ENTPD6: variants seen among roughly 807,000 people sequenced by gnomAD.
The protein encoded by ENTPD6 is ectonucleoside triphosphate diphosphohydrolase 6.
Under a neutral mutation model 61.5 loss-of-function variants are expected in ENTPD6, and 46 were observed. The observed-to-expected ratio is 0.75, with a 90% confidence interval of 0.59 to 0.96. The LOEUF is 0.96. Among genes scored for constraint, ENTPD6 ranks in the 40% least tolerant of loss-of-function variants. ENTPD6 has a pLI of 0.00. For synonymous variants in ENTPD6, 252 were observed against 255.5 expected (o/e 0.99, Z 0.13); for missense variants, 612 against 629.0 (o/e 0.97, Z 0.29).
intron 8 of ENTPD6, 39 bp downstream of exon 8, chr20:25,216,775 G>A (rs756314465): frequency 1.4e-5 from 21 of 1,476,358 alleles, no homozygotes; most frequent in Middle Eastern, 1.9e-4. Context: ...TTTCCACCCC[G>A]AGGCCACACC....
intron 1 of ENTPD6, among the ~76,000 whole-genome samples, chr20:25,206,249 C>T (rs1395902100): frequency 6.6e-6 from 1 of 152,224 alleles, no homozygotes; most frequent in Non-Finnish European, 1.5e-5. Flanking sequence ...GGAGTGGCCA[C>T]TCACCAGGAC....
At chr20:25,196,361 G>C (rs992007615) in intron 1 of ENTPD6, 2 of 426,444 alleles carry the variant, frequency 4.7e-6, no homozygotes, top group South Asian at 9.9e-5. Flanking sequence ...TTCTGCCCGA[G>C]CTGACCTGTG....
At chr20:25,222,586 A>T in intron 11 of ENTPD6, 1 of 441,714 alleles carries the variant, frequency 2.3e-6, no homozygotes, top group Admixed American at 3.8e-5. Flanking sequence ...CTCAGAGTCC[A>T]GGTCTGCCGC....
intron 6 of ENTPD6, 130 bp downstream of exon 6, chr20:25,215,072 A>G: frequency 1.6e-6 from 1 of 638,912 alleles, no homozygotes; most frequent in Non-Finnish European, 2.8e-6. Flanking sequence ...TCCGATGCTC[A>G]AGTAAAGAAT....
At chr20:25,221,151 G>C in intron 10 of ENTPD6, 81 bp from the exon 11 acceptor site, 1 of 1,090,740 alleles carries the variant, frequency 9.2e-7, no homozygotes, top group Non-Finnish European at 1.4e-6. Context: ...TCAAGCCAGG[G>C]CCTCCGCGAC....
Position 25,195,804 on chromosome 20 carries a change from C to T in ENTPD6, c.-79C>T. 1 of 1,235,248 alleles carries T rather than the reference C, an allele frequency of 8.1e-7. No homozygotes were observed. Among genetic ancestry groups the T allele is most frequent in the Non-Finnish European group, 1.0e-6 (1 of 983,948 alleles). 76.5% of individuals were successfully genotyped at this position (1,235,248 alleles called of 1,614,324 possible). On this transcript the variant is annotated 5_prime_UTR_variant, in exon 1 of 15. Transcript: ENST00000376652. ...GGGGCGGGGGAGCCCAAAAGACCGG[C>T]TGCCGCCTGCTCCCCGGAAAAGGGC...
intron 10 of ENTPD6, among the ~76,000 whole-genome samples, chr20:25,219,796 G>T (rs1404332312): frequency 2.0e-5 from 3 of 152,182 alleles, no homozygotes; most frequent in Non-Finnish European, 4.4e-5. Flanking sequence ...TATCTGACAG[G>T]GTAGGATGTT....
rs772249464 is a variant in ENTPD6, at chr20:25,215,721, C to T, written c.709+10C>T. On this transcript the variant is annotated intron_variant, in intron 7 of 14. Transcript: ENST00000376652. Reference sequence around the variant, plus strand: ...ATCAACTTCCTGACAGGTGTGTGCACACTGCATCACAGAGGCTAGCCGATC... The same window carrying T: ...ATCAACTTCCTGACAGGTGTGTGCATACTGCATCACAGAGGCTAGCCGATC... 3.7e-6 allele frequency: 6 copies of T among 1,614,100 alleles called. No homozygotes were observed. The highest frequency in any genetic ancestry group is 4.2e-6 in the Non-Finnish European group (5 of 1,179,936).
intron 1 of ENTPD6, among the ~76,000 whole-genome samples, chr20:25,199,837 T>C (rs2090886772): frequency 6.6e-6 from 1 of 152,230 alleles, no homozygotes; most frequent in Non-Finnish European, 1.5e-5. Context: ...CTGAATAATA[T>C]TTCATTCAAA....
At chr20:25,222,720 A>G (rs1214632443) in intron 11 of ENTPD6, 118 bp from the exon 12 acceptor site, 7 of 1,396,166 alleles carry the variant, frequency 5.0e-6, no homozygotes, top group South Asian at 1.4e-5. Context: ...AGGCTTCTGG[A>G]CCTGCCTTTT....
chr20:25,204,586 A>G (rs2091310556), intron 1 of ENTPD6, among the ~76,000 whole-genome samples: 1 of 152,134 alleles, frequency 6.6e-6, no homozygotes, highest in Admixed American at 6.5e-5. Flanking sequence ...GCGTGGGGCT[A>G]TAGTCATCCT....
chr20:25,211,835 GTC>G (rs1013636575), intron 4 of ENTPD6, among the ~76,000 whole-genome samples: 1 of 152,242 alleles, frequency 6.6e-6, no homozygotes, highest in East Asian at 1.9e-4. Context: ...CCGAGATGAG[GTC>G]TCTCTCTATC....
At position 25,196,248 on chromosome 20, in the gene ENTPD6, G is replaced by T; in HGVS notation, c.-16+381G>T. Reference sequence around the variant, plus strand: ...GGAAGCTTCGCGTAGCAGTTTCTGGGAAACAGGTAGGATCAGGCCGCTCGG... The same window carrying T: ...GGAAGCTTCGCGTAGCAGTTTCTGGTAAACAGGTAGGATCAGGCCGCTCGG... On this transcript the variant is annotated intron_variant, in intron 1 of 14. Coordinates refer to ENST00000376652, the MANE Select transcript of ENTPD6 (RefSeq NM_001247.5). The T allele has an allele frequency of 3.6e-6, 4 of 1,097,608 alleles. No individual in the cohort carries two copies. In the South Asian group the frequency reaches 1.8e-4, roughly 49 times the overall value. The allele number at this position is 1,097,608 out of a possible 1,614,324, so 68.0% of individuals were successfully genotyped here.
chr20:25,216,771 C>A, intron 8 of ENTPD6, 35 bp downstream of exon 8: 1 of 1,531,510 alleles, frequency 6.5e-7, no homozygotes, highest in Non-Finnish European at 8.9e-7. Context: ...GCTCTTTCCA[C>A]CCCGAGGCCA....
At chr20:25,202,605 T>C (rs1260592520) in intron 1 of ENTPD6, among the ~76,000 whole-genome samples, 4 of 152,232 alleles carry the variant, frequency 2.6e-5, no homozygotes, top group Admixed American at 1.3e-4. Context: ...CCTGAAGTTA[T>C]AGCAATCTAT....
At position 25,222,760 on chromosome 20, in the gene ENTPD6, C is replaced by T. The variant is rs747035667; in HGVS notation, c.1046-78C>T. On this transcript the variant is annotated intron_variant, in intron 11 of 14. Transcript: ENST00000376652. Reference sequence around the variant, plus strand: ...ACAATTCAGGTCAGAGTCTCAAGTCCCCTGGGAGGGGCCCCAAGCAGCTGT... The same window carrying T: ...ACAATTCAGGTCAGAGTCTCAAGTCTCCTGGGAGGGGCCCCAAGCAGCTGT... The T allele has an allele frequency of 7.6e-4, 1,194 of 1,567,162 alleles. 2 individuals are homozygous for T. The highest frequency in any genetic ancestry group is 9.6e-4 in the Non-Finnish European group (1,110 of 1,159,330).
At chr20:25,224,935 G>T in intron 13 of ENTPD6, 1 of 527,336 alleles carries the variant, frequency 1.9e-6, no homozygotes, top group Non-Finnish European at 3.4e-6. Context: ...GGTCTTAGAT[G>T]TAGAAATGTG....
intron 3 of ENTPD6, among the ~76,000 whole-genome samples, chr20:25,209,200 C>A (rs1190574543): frequency 6.6e-6 from 1 of 151,976 alleles, no homozygotes; most frequent in Non-Finnish European, 1.5e-5. Flanking sequence ...AGCTCCGCCC[C>A]CCGGGTTCAT....
intron 3 of ENTPD6, among the ~76,000 whole-genome samples, chr20:25,208,933 T>C (rs2091729687): frequency 6.6e-6 from 1 of 152,008 alleles, no homozygotes; most frequent in South Asian, 2.1e-4. Flanking sequence ...TTTATTTTTT[T>C]TGAGACGGAG....
Sources: allele counts gnomAD v4.1 joint callset (sites outside exome capture counted in the v4.1 genomes callset), GRCh38; gene constraint gnomAD v4.1.1; transcripts MANE v1.5; gene names NCBI Gene and HGNC (gene_info 2026-07-23, HGNC 2026-07-21).